Variants in CIB4 observed in about 807,000 individuals in gnomAD.
The protein encoded by CIB4 is calcium and integrin-binding family member 4.
Under a neutral mutation model 25.8 loss-of-function variants are expected in CIB4, and 25 were observed. That is an observed-to-expected ratio of 0.97 (90% CI 0.71 to 1.35). CIB4 has a LOEUF of 1.35. Ranked by LOEUF, CIB4 falls within the 40% of genes most tolerant of loss-of-function variation. CIB4 has a pLI of 0.00. For missense variants in CIB4, 235 were observed against 228.2 expected (o/e 1.03, Z -0.19); for synonymous variants, 75 against 81.4 (o/e 0.92, Z 0.42).
chr2:26,586,329 C>G (rs1029329476), intron 4 of CIB4, among the ~76,000 whole-genome samples: 6 of 152,194 alleles, frequency 3.9e-5, no homozygotes, highest in Non-Finnish European at 8.8e-5. Flanking sequence ...GAGGCTCCCC[C>G]TCCTCGGGAC....
intron 2 of CIB4, among the ~76,000 whole-genome samples, chr2:26,633,420 C>G (rs1274741501): frequency 6.6e-6 from 1 of 152,128 alleles, no homozygotes; most frequent in Non-Finnish European, 1.5e-5. Flanking sequence ...GAGTGGAGGG[C>G]TGAACCCTAA....
chr2:26,596,647 T>C (rs1668688325), intron 3 of CIB4, among the ~76,000 whole-genome samples: 3 of 151,658 alleles, frequency 2.0e-5, no homozygotes, highest in Admixed American at 2.0e-4. Flanking sequence ...CTCGGGAGGC[T>C]GAGGCAGGAG....
rs778739118 is a variant in CIB4 at position 26,583,781 on chromosome 2, G to A, written c.438+8C>T. The A allele has an allele frequency of 4.4e-5, 70 of 1,578,166 alleles. 1 individual carries two copies. In the South Asian group the frequency reaches 7.6e-4, roughly 17 times the overall value. ...CCCAGCCACCAACTCCCAGCCCCCAGCACACACGTGGTTCGTGAGGTCCAT... is the reference window on the plus strand; with the variant it reads ...CCCAGCCACCAACTCCCAGCCCCCAACACACACGTGGTTCGTGAGGTCCAT... On this transcript the variant is annotated splice_region_variant and intron_variant, in intron 5 of 6. Transcript: ENST00000288861.
At chr2:26,596,733 G>A (rs1668690014) in intron 3 of CIB4, among the ~76,000 whole-genome samples, 1 of 127,818 alleles carries the variant, frequency 7.8e-6, no homozygotes, top group South Asian at 2.9e-4. Context: ...GGCAAAAAGA[G>A]CAAAACTGCA....
chr2:26,612,132 G>T (rs1479649731), intron 3 of CIB4, among the ~76,000 whole-genome samples: 1 of 16,102 alleles, frequency 6.2e-5, no homozygotes, highest in East Asian at 7.6e-4. Context: ...AGGAGCTTTT[G>T]CTTCTCTCTT....
At chr2:26,625,471 G>A (rs565303723) in intron 3 of CIB4, among the ~76,000 whole-genome samples, 4 of 148,464 alleles carry the variant, frequency 2.7e-5, no homozygotes, top group Non-Finnish European at 4.4e-5. Flanking sequence ...TCCTGCCTCC[G>A]CCTCCCAGAT....
At chr2:26,600,680 A>T (rs985733803) in intron 3 of CIB4, among the ~76,000 whole-genome samples, 1 of 152,132 alleles carries the variant, frequency 6.6e-6, no homozygotes, top group African/African-American at 2.4e-5. Context: ...AGAAGGGTGT[A>T]ACAAAACCTT....
Position 26,581,374 on chromosome 2 carries a change from A to G in CIB4, c.547T>C (p.Trp183Arg). 2 of 1,613,794 alleles carry G rather than the reference A, an allele frequency of 1.2e-6. No homozygotes were observed. Among genetic ancestry groups the G allele is most frequent in the Non-Finnish European group, 1.7e-6 (2 of 1,179,790 alleles). The change falls in exon 7 of 7, where the codon TGG becomes CGG. Residue 183 changes from tryptophan to arginine, a missense_variant. Coordinates refer to ENST00000288861, the MANE Select transcript of CIB4 (RefSeq NM_001029881.3). ...DFMNSFRIHF[W>R]GC ...TGTTTGCCGCTACATCAGCATCCCC[A>G]GAAGTGAATCCGAAAGGAGCTGAAA... is the stretch of plus-strand genomic sequence containing the variant.
intron 3 of CIB4, among the ~76,000 whole-genome samples, chr2:26,608,626 C>T (rs1668939174): frequency 6.6e-6 from 1 of 152,220 alleles, no homozygotes. Flanking sequence ...CCATCCTTGC[C>T]TGGACAGAGC....
At chr2:26,622,790 C>G (rs957160631) in intron 3 of CIB4, among the ~76,000 whole-genome samples, 1 of 152,104 alleles carries the variant, frequency 6.6e-6, no homozygotes, top group African/African-American at 2.4e-5. Flanking sequence ...CAAGACCAAC[C>G]TGGCCAACAT....
At chr2:26,621,127 C>T (rs1479108299) in intron 3 of CIB4, among the ~76,000 whole-genome samples, 3 of 151,686 alleles carry the variant, frequency 2.0e-5, no homozygotes, top group Non-Finnish European at 4.4e-5. Context: ...AGCTGAAGGA[C>T]ATGAGTTTCC....
chr2:26,585,955 G>A (rs1349480489), intron 4 of CIB4, among the ~76,000 whole-genome samples: 1 of 151,928 alleles, frequency 6.6e-6, no homozygotes, highest in Admixed American at 6.6e-5. Flanking sequence ...AGCCACTCAG[G>A]CCAACCTGGA....
intron 3 of CIB4, among the ~76,000 whole-genome samples, chr2:26,618,320 C>G (rs1482438281): frequency 1.3e-5 from 2 of 152,324 alleles, no homozygotes; most frequent in East Asian, 1.9e-4. Context: ...GAATCTCACT[C>G]TGTCACCCAG....
intron 2 of CIB4, among the ~76,000 whole-genome samples, chr2:26,639,834 C>T (rs994686539): frequency 3.9e-5 from 6 of 152,100 alleles, no homozygotes; most frequent in Admixed American, 1.3e-4. Context: ...CCACCTTCCC[C>T]TGAAAGTGTC....
At chr2:26,602,542 G>T (rs1668812320) in intron 3 of CIB4, among the ~76,000 whole-genome samples, 1 of 152,154 alleles carries the variant, frequency 6.6e-6, no homozygotes, top group South Asian at 2.1e-4. Context: ...ACATCAATAT[G>T]AACTAATGGG....
chr2:26,628,429 G>T (rs184446287), intron 3 of CIB4, among the ~76,000 whole-genome samples: 1 of 152,086 alleles, frequency 6.6e-6, no homozygotes, highest in African/African-American at 2.4e-5. Flanking sequence ...GACCAGGGAA[G>T]GTTTGCCAAG....
intron 2 of CIB4, among the ~76,000 whole-genome samples, chr2:26,634,736 G>C (rs190026777): frequency 3.9e-5 from 6 of 152,344 alleles, no homozygotes; most frequent in Admixed American, 3.9e-4. Context: ...TTAATGGCCA[G>C]GACAGGGCCA....
intron 2 of CIB4, among the ~76,000 whole-genome samples, chr2:26,636,218 G>A (rs764626856): frequency 5.3e-5 from 8 of 151,990 alleles, no homozygotes; most frequent in Non-Finnish European, 8.8e-5. Flanking sequence ...TGAATATTCA[G>A]TGTTTATAAT....
At chr2:26,605,269 A>G (rs1297151934) in intron 3 of CIB4, among the ~76,000 whole-genome samples, 1 of 152,124 alleles carries the variant, frequency 6.6e-6, no homozygotes, top group Non-Finnish European at 1.5e-5. Context: ...AAATGCTTGA[A>G]TTTTTTAAAA....
Sources: allele counts gnomAD v4.1 joint callset (sites outside exome capture counted in the v4.1 genomes callset), GRCh38; gene constraint gnomAD v4.1.1; transcripts MANE v1.5; gene names NCBI Gene and HGNC (gene_info 2026-07-23, HGNC 2026-07-21).